Variants in APBA1 observed in about 807,000 individuals in gnomAD.
APBA1 encodes the protein amyloid-beta A4 precursor protein-binding family A member 1.
APBA1 carries 55 observed loss-of-function variants against 86.6 expected under a neutral mutation model. That is an observed-to-expected ratio of 0.64 (90% CI 0.51 to 0.80). APBA1 has a LOEUF of 0.80. Among genes scored for constraint, APBA1 ranks in the 30% least tolerant of loss-of-function variants. APBA1 has a pLI of 0.00. For synonymous variants in APBA1, 511 were observed against 493.9 expected, an observed-to-expected ratio of 1.03 and a Z score of -0.46; for missense variants, 1,090 against 1,183.0, an observed-to-expected ratio of 0.92 and a Z score of 1.15.
intron 1 of APBA1, among the ~76,000 whole-genome samples, chr9:69,596,341 A>T (rs946944239): frequency 6.6e-6 from 1 of 152,038 alleles, no homozygotes; most frequent in Admixed American, 6.6e-5. Context: ...TTACCCACTG[A>T]TATGGAACTT....
At chr9:69,465,135 GC>G (rs967275772) in intron 5 of APBA1, 34 of 152,306 alleles carry the variant, frequency 2.2e-4, no homozygotes, top group African/African-American at 7.9e-4. Context: ...TTGTGGCTCT[GC>G]CCTGGATGTT....
At chr9:69,593,635 A>T (rs1433659075) in intron 1 of APBA1, among the ~76,000 whole-genome samples, 1 of 152,252 alleles carries the variant, frequency 6.6e-6, no homozygotes, top group African/African-American at 2.4e-5. Context: ...ATTTTTATGC[A>T]CCAGTTTAGA....
At chr9:69,569,391 G>T (rs970466140) in intron 1 of APBA1, among the ~76,000 whole-genome samples, 1 of 151,906 alleles carries the variant, frequency 6.6e-6, no homozygotes, top group Non-Finnish European at 1.5e-5. Context: ...GGGCTATTTT[G>T]CCTCTCCCCT....
chr9:69,485,164 T>C (rs1291275792), intron 2 of APBA1, among the ~76,000 whole-genome samples: 2 of 151,938 alleles, frequency 1.3e-5, no homozygotes, highest in Admixed American at 1.3e-4. Context: ...TTGATGACTG[T>C]CACCTGGGCT....
intron 1 of APBA1, among the ~76,000 whole-genome samples, chr9:69,627,910 A>G (rs977765621): frequency 1.3e-5 from 2 of 152,204 alleles, no homozygotes; most frequent in African/African-American, 4.8e-5. Context: ...TGAACATGGT[A>G]GACACACCCT....
chr9:69,632,323 T>C (rs988295755), intron 1 of APBA1, among the ~76,000 whole-genome samples: 2 of 152,178 alleles, frequency 1.3e-5, no homozygotes, highest in Admixed American at 1.3e-4. Context: ...TAATCATTAC[T>C]GAATGCTCCA....
chr9:69,621,450 A>C (rs1028688307), intron 1 of APBA1, among the ~76,000 whole-genome samples: 2 of 152,064 alleles, frequency 1.3e-5, no homozygotes, highest in East Asian at 3.9e-4. Context: ...TAAAAGCATA[A>C]AAGCCAATGA....
chr9:69,610,961 T>C (rs574468999), intron 1 of APBA1, among the ~76,000 whole-genome samples: 1 of 147,194 alleles, frequency 6.8e-6, no homozygotes, highest in African/African-American at 2.5e-5. Context: ...TTCTAAGTTC[T>C]TTTTTTTTTT....
Position 69,516,862 on chromosome 9 carries a change from C to T in APBA1, c.349G>A (p.Ala117Thr), listed in dbSNP as rs1478823979. Reference sequence around the variant, plus strand: ...TCGGGCCGGTACTGCACAGCATAGGCGCTCTCGTCCTCGGGGTCCTGCGCG... The same window carrying T: ...TCGGGCCGGTACTGCACAGCATAGGTGCTCTCGTCCTCGGGGTCCTGCGCG... ...ERAQDPEDES[A>T]YAVQYRPEAE... The change falls in exon 2 of 13, where the codon GCC (alanine) becomes ACC (threonine). Residue 117 changes from alanine (A) to threonine (T), a missense_variant. By Grantham distance (58) the Ala-to-Thr change is moderately conservative. Around this residue, in one of 6 missense-constraint regions of APBA1, gnomAD observed 678 missense variants for 647.1 expected, o/e 1.05. Transcript: ENST00000265381. The surrounding 1 kb of genome is among the most constrained non-coding windows in gnomAD (Gnocchi z 7.3). 2 of 1,598,724 alleles carry T rather than the reference C, an allele frequency of 1.3e-6. No homozygotes were observed. The highest frequency in any genetic ancestry group is 2.2e-5 in the South Asian group (2 of 90,630).
chr9:69,516,182 G>A lies in APBA1; in HGVS notation c.1029C>T (p.Arg343=), dbSNP rs1347898991. 5 of 1,609,266 alleles carry A rather than the reference G, an allele frequency of 3.1e-6. No homozygotes were observed. The African/African-American group carries it at 5.4e-5, about 17-fold the overall frequency. ...EAGQRYSKEK[R]DAISLAIKDI... Reference sequence around the variant, plus strand: ...CCTTGATGGCCAGCGAGATGGCATCGCGCTTCTCCTTGCTGTACCGCTGCC... The same window carrying A: ...CCTTGATGGCCAGCGAGATGGCATCACGCTTCTCCTTGCTGTACCGCTGCC... Residue 343 remains arginine, a synonymous_variant, in exon 2 of 13, where the codon CGC becomes CGT. Transcript: ENST00000265381. This position sits in a 1 kb window ranked among gnomAD's most constrained non-coding sequence, Gnocchi z 7.3.
intron 1 of APBA1, among the ~76,000 whole-genome samples, chr9:69,603,630 T>C (rs769035125): frequency 9.9e-5 from 15 of 152,214 alleles, no homozygotes; most frequent in Non-Finnish European, 1.6e-4. Context: ...TAAAAGTAAA[T>C]GAAGAAAGAG....
chr9:69,563,979 C>T (rs956308438), intron 1 of APBA1, among the ~76,000 whole-genome samples: 2 of 152,150 alleles, frequency 1.3e-5, no homozygotes, highest in African/African-American at 4.8e-5. Context: ...CAGCAAGAGA[C>T]CCCTTTTTCC....
intron 5 of APBA1, chr9:69,464,287 G>A (rs557740943): frequency 6.6e-6 from 1 of 152,306 alleles, no homozygotes; most frequent in African/African-American, 2.4e-5. Flanking sequence ...GGATGTAAAA[G>A]GAACATGAAA....
At chr9:69,470,617 G>A (rs1588303897) in intron 4 of APBA1, among the ~76,000 whole-genome samples, 1 of 152,336 alleles carries the variant, frequency 6.6e-6, no homozygotes, top group South Asian at 2.1e-4. Context: ...AAGGGTTCAT[G>A]AAGGTTTATG....
At chr9:69,499,588 C>T (rs781302101) in intron 2 of APBA1, among the ~76,000 whole-genome samples, 1 of 151,244 alleles carries the variant, frequency 6.6e-6, no homozygotes, top group Middle Eastern at 3.4e-3. Flanking sequence ...GCAAGGTCGA[C>T]AGGATAAGAG....
At position 69,485,598 on chromosome 9, in the gene APBA1, G is replaced by GGGTAGGATGCAAATGCAGGGTC. The variant is rs1337072301; in HGVS notation, c.1201-9477_1201-9456dup. ...AAGCAAATGAGACATGTGCTTGTGA[G>GGGTAGGATGCAAATGCAGGGTC]GGTAGGATGCAAATGCAGGGTCAGG... On this transcript the variant is annotated intron_variant, in intron 2 of 12. Transcript: ENST00000265381. 2.0e-5 allele frequency among the ~76,000 whole-genome samples: 3 copies of GGGTAGGATGCAAATGCAGGGTC among 152,224 alleles called. No homozygotes were observed. In the East Asian group the frequency reaches 5.8e-4, roughly 29 times the overall value.
chr9:69,609,596 A>G (rs1250472684), intron 1 of APBA1, among the ~76,000 whole-genome samples: 1 of 152,072 alleles, frequency 6.6e-6, no homozygotes, highest in African/African-American at 2.4e-5. Context: ...TTTAGAGTCC[A>G]CCTCTCTGCT....
At chr9:69,470,940 T>C (rs1296074707) in intron 4 of APBA1, among the ~76,000 whole-genome samples, 1 of 152,048 alleles carries the variant, frequency 6.6e-6, no homozygotes, top group Non-Finnish European at 1.5e-5. Context: ...GTGCAGTGAG[T>C]AACCTGCACA....
chr9:69,463,446 T>C (rs1835224576), intron 5 of APBA1: 1 of 152,218 alleles, frequency 6.6e-6, no homozygotes, highest in Non-Finnish European at 1.5e-5. Context: ...AATTTTTTGT[T>C]AAATTAAGAA....
Sources: allele counts gnomAD v4.1 joint callset (sites outside exome capture counted in the v4.1 genomes callset), GRCh38; gene constraint gnomAD v4.1.1; regional missense constraint gnomAD v4.1.1; non-coding constraint Gnocchi (gnomAD v3.1); transcripts MANE v1.5; gene names NCBI Gene and HGNC (gene_info 2026-07-23, HGNC 2026-07-21).